CHD1L: variants seen among roughly 807,000 people sequenced by gnomAD.
CHD1L encodes ATP-dependent chromatin remodeler CHD1L.
A neutral mutation model predicts 115.9 loss-of-function variants in CHD1L; 118 were observed. The observed-to-expected ratio is 1.02, with a 90% CI of 0.88 to 1.19. The LOEUF (loss-of-function observed/expected upper bound fraction) is 1.19, where lower values mean the gene tolerates loss of function less well. CHD1L is among the 50% of genes most tolerant of loss of function. CHD1L has a pLI of 0.00. For missense variants in CHD1L, 1,179 were observed against 1,065.3 expected (o/e 1.11, Z -1.49); for synonymous variants, 411 against 387.1 (o/e 1.06, Z -0.72).
At chr1:147,262,807 G>T (rs1278147358) in intron 6 of CHD1L, among the ~76,000 whole-genome samples, 6 of 150,362 alleles carry the variant, frequency 4.0e-5, no homozygotes, top group African/African-American at 1.5e-4. Flanking sequence ...TAAAAGCAGT[G>T]TCTTCCTATG....
At chr1:147,205,859 A>G in the CHD1L span, among the ~76,000 whole-genome samples, 1 of 152,186 alleles carries the variant, frequency 6.6e-6, no homozygotes, top group African/African-American at 2.4e-5. Context: ...GGCATGGGCA[A>G]GGACTTCATG....
chr1:147,222,009 AAC>A, the CHD1L span, among the ~76,000 whole-genome samples: 36 of 152,286 alleles, frequency 2.4e-4, no homozygotes, highest in African/African-American at 8.7e-4. Flanking sequence ...TCTCTCTACA[AAC>A]TCTATACACT....
chr1:147,185,502 TCTAA>T, the CHD1L span, among the ~76,000 whole-genome samples: 1 of 152,140 alleles, frequency 6.6e-6, no homozygotes, highest in Non-Finnish European at 1.5e-5. Context: ...TTCTCAGTTC[TCTAA>T]CTCTCAAAAG....
chr1:147,178,091 T>A, the CHD1L span: 1 of 1,471,368 alleles, frequency 6.8e-7, no homozygotes, highest in South Asian at 1.3e-5. Flanking sequence ...CCCTTCCGGC[T>A]GCCCCCACCC....
intron 17 of CHD1L, among the ~76,000 whole-genome samples, chr1:147,286,062 C>G (rs587776294): frequency 6.6e-6 from 1 of 152,144 alleles, no homozygotes; most frequent in African/African-American, 2.4e-5. Context: ...TCAACAATCT[C>G]TTTTAGTCTT....
At chr1:147,199,951 T>C in the CHD1L span, among the ~76,000 whole-genome samples, 2 of 152,186 alleles carry the variant, frequency 1.3e-5, no homozygotes, top group Non-Finnish European at 2.9e-5. Context: ...AATTTTGTTA[T>C]AACAACCATA....
the CHD1L span, among the ~76,000 whole-genome samples, chr1:147,217,893 G>A: frequency 6.6e-6 from 1 of 152,128 alleles, no homozygotes. Flanking sequence ...TAAGCCCCTT[G>A]AATTGTACTC....
the CHD1L span, among the ~76,000 whole-genome samples, chr1:147,196,606 A>G: frequency 6.6e-6 from 1 of 152,054 alleles, no homozygotes; most frequent in Non-Finnish European, 1.5e-5. Flanking sequence ...AAAAATTAAA[A>G]AATTTTAAAA....
At chr1:147,257,718 CTAT>C (rs1412696029) in intron 5 of CHD1L, among the ~76,000 whole-genome samples, 3 of 152,114 alleles carry the variant, frequency 2.0e-5, no homozygotes, top group African/African-American at 7.2e-5. Context: ...CACGAGGCAG[CTAT>C]TATTCATTTT....
chr1:147,256,443 T>C, intron 4 of CHD1L, 88 bp from the exon 5 acceptor site: 1 of 1,151,294 alleles, frequency 8.7e-7, no homozygotes, highest in Non-Finnish European at 1.3e-6. Context: ...ATAAATCCTA[T>C]AGTTTAAGAG....
At chr1:147,227,280 A>G in the CHD1L span, among the ~76,000 whole-genome samples, 171 of 152,382 alleles carry the variant, frequency 1.1e-3, 1 homozygote, top group African/African-American at 3.8e-3. Context: ...AAAATGAATT[A>G]CTTGTAAATT....
chr1:147,186,683 C>A, the CHD1L span: 1 of 1,373,446 alleles, frequency 7.3e-7, no homozygotes, highest in Non-Finnish European at 9.4e-7. Context: ...GGGATTACCA[C>A]AAGGAAGAGT....
In CHD1L at chr1:147,265,925, T is replaced by G. The variant is rs1553947823; in HGVS notation, c.740-7T>G. ...CCACACTTCTTGTATTTTTTTTTCTTATGTAGCAAGTGAACTGCACAAACT... is the reference window on the plus strand; with the variant it reads ...CCACACTTCTTGTATTTTTTTTTCTGATGTAGCAAGTGAACTGCACAAACT... On this transcript the variant is annotated splice_polypyrimidine_tract_variant and splice_region_variant and intron_variant, in intron 7 of 22. Transcript: ENST00000369258. 6.2e-7 allele frequency: 1 copy of G among 1,603,660 alleles called. No individual in the cohort carries two copies. Among genetic ancestry groups the G allele is most frequent in the Non-Finnish European group, 8.5e-7 (1 of 1,176,454 alleles).
At chr1:147,188,085 G>A in the CHD1L span, among the ~76,000 whole-genome samples, 1 of 152,072 alleles carries the variant, frequency 6.6e-6, no homozygotes, top group Non-Finnish European at 1.5e-5. Flanking sequence ...GGGTCAAGTA[G>A]GAATTTATTG....
At chr1:147,272,115 C>A in intron 11 of CHD1L, 56 bp from the exon 12 acceptor site, 3 of 1,454,242 alleles carry the variant, frequency 2.1e-6, no homozygotes, top group Non-Finnish European at 2.8e-6. Flanking sequence ...ATTTTTTATT[C>A]CCCAAAGACT....
At position 147,242,939 on chromosome 1, in the gene CHD1L, C is replaced by CG. The variant is rs1665221347; in HGVS notation, c.127+110dup. Reference sequence around the variant, plus strand: ...CCGCCCGGTGGGCAGTTTACCCGCTCGCGCCAGGGCCTTCCTTCGCTCCTG... The same window carrying CG: ...CCGCCCGGTGGGCAGTTTACCCGCTCGGCGCCAGGGCCTTCCTTCGCTCCTG... On this transcript the variant is annotated intron_variant, in intron 1 of 22. Coordinates refer to ENST00000369258, the MANE Select transcript of CHD1L (RefSeq NM_004284.6). 2.6e-6 allele frequency: 3 copies of CG among 1,168,524 alleles called. No homozygotes were observed. In the South Asian group the frequency reaches 1.3e-4, roughly 52 times the overall value. 72.4% of individuals were successfully genotyped at this position (1,168,524 alleles called of 1,614,324 possible). A position where few individuals can be genotyped will look rare whatever the true frequency, so the allele number is the denominator to read the frequency against.
intron 6 of CHD1L, 41 bp downstream of exon 6, chr1:147,259,959 C>CT (rs1167664856): frequency 6.5e-6 from 9 of 1,392,852 alleles, no homozygotes; most frequent in Non-Finnish European, 9.0e-6. Flanking sequence ...ATAACCCCTT[C>CT]TTTTTAAATA....
intron 9 of CHD1L, among the ~76,000 whole-genome samples, chr1:147,267,740 A>G (rs1553949602): frequency 6.6e-6 from 1 of 152,082 alleles, no homozygotes; most frequent in Admixed American, 6.5e-5. Flanking sequence ...TAAATCCACG[A>G]TCCAGTCCTA....
intron 1 of CHD1L, among the ~76,000 whole-genome samples, chr1:147,252,242 C>T (rs1668624052): frequency 6.6e-6 from 1 of 152,124 alleles, no homozygotes; most frequent in African/African-American, 2.4e-5. Flanking sequence ...ATTAAACAAG[C>T]AGACACATGT....
Sources: gnomAD v4.1 joint callset for allele counts (sites outside exome capture counted in the v4.1 genomes callset) on GRCh38, gnomAD v4.1.1 for gene constraint, MANE v1.5 for transcripts, NCBI Gene and HGNC (gene_info 2026-07-23, HGNC 2026-07-21) for gene names.